Variants in DIS3L2 observed in about 807,000 individuals in gnomAD.
DIS3L2 encodes the protein DIS3 like 3'-5' exoribonuclease 2.
In DIS3L2, 34 loss-of-function variants were observed where a neutral mutation model predicts 97.5. The observed-to-expected ratio is 0.35, with a 90% CI of 0.27 to 0.46. DIS3L2 has a LOEUF of 0.46. Ranked by LOEUF, DIS3L2 falls within the 20% of genes least tolerant of loss-of-function variation. The probability of loss-of-function intolerance (pLI) is 1.00; values close to 1 mark genes in which losing one functional copy is unlikely to be tolerated. For synonymous variants in DIS3L2, 435 were observed against 445.2 expected, an observed-to-expected ratio of 0.98 and a Z score of 0.29; for missense variants, 1,038 against 1,146.0, an observed-to-expected ratio of 0.91 and a Z score of 1.36.
At chr2:232,206,654 G>T (rs1359485626) in intron 9 of DIS3L2, among the ~76,000 whole-genome samples, 1 of 152,158 alleles carries the variant, frequency 6.6e-6, no homozygotes, top group Non-Finnish European at 1.5e-5. Context: ...TCCTGATCAG[G>T]AATAATGTTT....
chr2:232,224,179 A>G (rs1692578661), intron 10 of DIS3L2, among the ~76,000 whole-genome samples: 1 of 152,240 alleles, frequency 6.6e-6, no homozygotes, highest in Non-Finnish European at 1.5e-5. Flanking sequence ...AATAGAGAAT[A>G]CAGAAACAGA....
Position 232,097,583 on chromosome 2 carries a change from G to T in DIS3L2, c.601+9862G>T, listed in dbSNP as rs551442005. Among the ~76,000 whole-genome samples, 218 of 152,206 alleles carry T rather than the reference G, an allele frequency of 1.4e-3. 6 individuals are homozygous for T. The South Asian group carries it at 0.042, about 30-fold the overall frequency. Reference sequence around the variant, plus strand: ...ACCAATGTTCACTTAAGGCCCAAGGGCTCCTCAGTCAACTTGTGGTGATGA... The same window carrying T: ...ACCAATGTTCACTTAAGGCCCAAGGTCTCCTCAGTCAACTTGTGGTGATGA... On this transcript the variant is annotated intron_variant, in intron 6 of 20. Transcript: ENST00000325385.
intron 14 of DIS3L2, among the ~76,000 whole-genome samples, chr2:232,313,443 A>G (rs1483192842): frequency 6.6e-6 from 1 of 152,232 alleles, no homozygotes; most frequent in Non-Finnish European, 1.5e-5. Flanking sequence ...ATTTTACAGA[A>G]GGATCTCATG....
intron 5 of DIS3L2, among the ~76,000 whole-genome samples, chr2:232,081,777 G>A (rs1410438290): frequency 1.3e-5 from 2 of 152,016 alleles, no homozygotes; most frequent in African/African-American, 4.8e-5. Context: ...TCTCTAAGGA[G>A]TCCCACACCT....
chr2:232,057,843 A>C (rs1695591586), intron 5 of DIS3L2, among the ~76,000 whole-genome samples: 1 of 152,164 alleles, frequency 6.6e-6, no homozygotes, highest in Non-Finnish European at 1.5e-5. Context: ...CTGTTTCCTC[A>C]TCTTGGTTAG....
At chr2:232,316,640 C>T (rs1054748001) in intron 14 of DIS3L2, among the ~76,000 whole-genome samples, 5 of 152,194 alleles carry the variant, frequency 3.3e-5, no homozygotes, top group East Asian at 1.9e-4. Flanking sequence ...CTTGGGTTCC[C>T]GGCCCCACCT....
At chr2:232,136,759 A>T in intron 8 of DIS3L2, 40 bp downstream of exon 8, 1 of 1,604,214 alleles carries the variant, frequency 6.2e-7, no homozygotes, top group Non-Finnish European at 8.5e-7. Context: ...GGTCACAGGC[A>T]GAACTCAGTT....
intron 1 of DIS3L2, among the ~76,000 whole-genome samples, chr2:232,010,989 C>T (rs188264003): frequency 5.3e-5 from 8 of 152,300 alleles, no homozygotes; most frequent in South Asian, 2.1e-4. Context: ...CTCAAGACAC[C>T]GTTTATTTCA....
chr2:232,051,990 G>C (rs938999012), intron 5 of DIS3L2, among the ~76,000 whole-genome samples: 1 of 150,950 alleles, frequency 6.6e-6, no homozygotes, highest in Non-Finnish European at 1.5e-5. Flanking sequence ...CTTCATTAAT[G>C]TTTATAGTTG....
At chr2:231,985,780 C>T (rs923661522) in intron 1 of DIS3L2, among the ~76,000 whole-genome samples, 5 of 152,170 alleles carry the variant, frequency 3.3e-5, no homozygotes, top group Admixed American at 6.5e-5. Context: ...TATTTTCTTA[C>T]ATACTGTGAT....
intron 8 of DIS3L2, among the ~76,000 whole-genome samples, chr2:232,138,324 G>A (rs531925056): frequency 8.5e-5 from 13 of 152,174 alleles, no homozygotes; most frequent in Admixed American, 2.6e-4. Flanking sequence ...TATTTAAAAA[G>A]TCACATATTA....
rs553514881 is a variant in DIS3L2, at chr2:232,054,525, A to G, written c.366+24445A>G. Among the ~76,000 whole-genome samples the G allele has an allele frequency of 5.9e-5, 9 of 152,336 alleles. No individual in the cohort carries two copies. In the East Asian group the frequency reaches 9.6e-4, roughly 16 times the overall value. ...AGAGACCTCTAAATTCATTAGGGAA[A>G]GAACAACCAACCAGCCATAGTATTA... On this transcript the variant is annotated intron_variant, in intron 5 of 20. Coordinates refer to ENST00000325385, the MANE Select transcript of DIS3L2 (RefSeq NM_152383.5).
chr2:231,981,519 C>T lies in DIS3L2; in HGVS notation c.-94+19754C>T, dbSNP rs143604523. Among the ~76,000 whole-genome samples the T allele has an allele frequency of 9.8e-3, 1,438 of 146,726 alleles. 12 individuals carry two copies. The highest frequency in any genetic ancestry group is 0.015 in the Non-Finnish European group (1,034 of 67,048). ...TCTGATTATGTTGGCTAGGGCTGCT[C>T]CAGCTTAGTGTTGAGTTGTAGGTGG... On this transcript the variant is annotated intron_variant, in intron 1 of 20. Coordinates refer to ENST00000325385, the MANE Select transcript of DIS3L2 (RefSeq NM_152383.5).
At chr2:231,963,719 G>A (rs796869707) in intron 1 of DIS3L2, among the ~76,000 whole-genome samples, 4 of 152,144 alleles carry the variant, frequency 2.6e-5, no homozygotes, top group African/African-American at 9.6e-5. Flanking sequence ...TTTATAGCTT[G>A]AGGTCTTTTA....
intron 9 of DIS3L2, chr2:232,172,836 A>C: frequency 2.0e-6 from 1 of 511,166 alleles, no homozygotes; most frequent in South Asian, 1.5e-5. Flanking sequence ...GTAGTATCTC[A>C]TTGTGGTTTT....
chr2:232,233,536 A>G (rs536539277), intron 10 of DIS3L2, among the ~76,000 whole-genome samples: 4 of 152,328 alleles, frequency 2.6e-5, no homozygotes, highest in Non-Finnish European at 5.9e-5. Flanking sequence ...GCAAATATCT[A>G]TCACAACACA....
intron 5 of DIS3L2, among the ~76,000 whole-genome samples, chr2:232,043,311 A>G (rs1200903421): frequency 1.3e-5 from 2 of 152,196 alleles, no homozygotes; most frequent in Admixed American, 1.3e-4. Context: ...GCCCCTGTCC[A>G]GAAGTGATGG....
intron 6 of DIS3L2, among the ~76,000 whole-genome samples, chr2:232,128,950 A>G (rs1698146196): frequency 1.3e-5 from 2 of 152,210 alleles, no homozygotes; most frequent in Admixed American, 6.5e-5. Flanking sequence ...CTGCCAGGAT[A>G]TCCTTCTGAA....
chr2:232,216,937 G>A (rs1466791717), intron 10 of DIS3L2, among the ~76,000 whole-genome samples: 1 of 148,748 alleles, frequency 6.7e-6, no homozygotes, highest in East Asian at 2.1e-4. Flanking sequence ...CCCCCTCCTG[G>A]GTTCAAGTGA....
Sources: allele counts gnomAD v4.1 joint callset (sites outside exome capture counted in the v4.1 genomes callset), GRCh38; gene constraint gnomAD v4.1.1; transcripts MANE v1.5; gene names NCBI Gene and HGNC (gene_info 2026-07-23, HGNC 2026-07-21).